The following KCNJ11 variants were observed in gnomAD, a reference collection of about 807,000 sequenced individuals.
KCNJ11 encodes the protein potassium inwardly rectifying channel subfamily J member 11, also known as ATP-sensitive inward rectifier potassium channel 11.
A neutral mutation model predicts 17.3 loss-of-function variants in KCNJ11; 12 were observed. The ratio of observed to expected loss-of-function variants is 0.69; its 90% CI spans 0.44 to 1.12. The LOEUF (loss-of-function observed/expected upper bound fraction) is 1.12. KCNJ11 is among the 50% of genes most tolerant of loss of function. KCNJ11 has a pLI of 0.00. For synonymous variants in KCNJ11, 211 were observed against 223.4 expected (o/e 0.94, Z 0.50); for missense variants, 386 against 554.1 (o/e 0.70, Z 3.05).
At chr11:17,389,058 G>A (rs1401344541), upstream of KCNJ11, 1 of 171,158 alleles carries the variant, frequency 5.8e-6, no homozygotes, top group East Asian at 1.9e-4. Context: ...CCCCGGACCT[G>A]CGCGCGACCC....
At position 17,388,215 on chromosome 11, in the gene KCNJ11, G is replaced by A; in HGVS notation, c.-124C>T. 1.3e-6 allele frequency: 1 copy of A among 797,408 alleles called. No homozygotes were observed. 49.4% of individuals were successfully genotyped at this position (797,408 alleles called of 1,614,324 possible). A position where few individuals can be genotyped will look rare whatever the true frequency, so the allele number is the denominator to read the frequency against. On this transcript the variant is annotated 5_prime_UTR_variant, in exon 1 of 1. Transcript: ENST00000339994. Reference sequence around the variant, plus strand: ...CACCCTGGGGCTGCACTCAGCCTGTGCTGGCCTCACTTCTGAGATAACTCC... The same window carrying A: ...CACCCTGGGGCTGCACTCAGCCTGTACTGGCCTCACTTCTGAGATAACTCC...
rs372737066 is a variant in KCNJ11, at chr11:17,386,582, C to T, written c.*337G>A. The T allele has an allele frequency of 3.8e-6, 1 of 265,470 alleles. No homozygotes were observed. The allele number at this position is 265,470 out of a possible 1,614,324, so 16.4% of individuals were successfully genotyped here. A position where few individuals can be genotyped will look rare whatever the true frequency, so the allele number is the denominator to read the frequency against. ...CTCGGGGATTGTTCTTCCCCAGCCACCGGCCCAGAGTGTGGCTGGTCAATC... is the reference window on the plus strand; with the variant it reads ...CTCGGGGATTGTTCTTCCCCAGCCATCGGCCCAGAGTGTGGCTGGTCAATC... On this transcript the variant is annotated 3_prime_UTR_variant, in exon 1 of 1. Coordinates refer to ENST00000339994, the MANE Select transcript of KCNJ11 (RefSeq NM_000525.4).
rs1424040124 is a variant in KCNJ11, at chr11:17,387,729, G to A, written c.363C>T (p.Phe121=). Residue 121 remains phenylalanine, a synonymous_variant, in exon 1 of 1, where the codon TTC becomes TTT. Transcript: ENST00000339994. ...TCACTTGGACCTCAATGGAGAAAAG[G>A]AAGGCAGACGAGAAGGAGTGGATGC... ...VTSIHSFSSA[F]LFSIEVQVTI... 1 of 1,614,158 alleles carries A rather than the reference G, an allele frequency of 6.2e-7. No homozygotes were observed. The highest frequency in any genetic ancestry group is 8.5e-7 in the Non-Finnish European group (1 of 1,180,038).
chr11:17,386,702 C>T lies in KCNJ11; in HGVS notation c.*217G>A. The T allele has an allele frequency of 1.7e-6, 1 of 572,812 alleles. No homozygotes were observed. The highest frequency in any genetic ancestry group is 3.1e-6 in the Non-Finnish European group (1 of 322,398). The allele number at this position is 572,812 out of a possible 1,614,324, so 35.5% of individuals were successfully genotyped here. A position where few individuals can be genotyped will look rare whatever the true frequency, so the allele number is the denominator to read the frequency against. ...GGCGGGGGAGAGGGGTGAGCCAGTC[C>T]TGAATTGGGTTGGGAGGAGCAGGGA... On this transcript the variant is annotated 3_prime_UTR_variant, in exon 1 of 1. Transcript: ENST00000339994.
At chr11:17,388,854 G>A, upstream of KCNJ11, 1 of 455,956 alleles carries the variant, frequency 2.2e-6, no homozygotes, top group Non-Finnish European at 4.4e-6. Flanking sequence ...TCTGGCCTTC[G>A]GGCTCCCAGG....
Position 17,386,753 on chromosome 11 carries a change from G to T in KCNJ11, c.*166C>A. On this transcript the variant is annotated 3_prime_UTR_variant, in exon 1 of 1. Transcript: ENST00000339994. The stretch of plus-strand genomic sequence containing the variant: ...CAAAAATAACCCAGTACAGGTTCCT[G>T]CTGAGGCCAGAAATAGCATAGTGAC... The T allele has an allele frequency of 1.6e-6, 1 of 640,270 alleles. No individual in the cohort carries two copies. The highest frequency in any genetic ancestry group is 2.7e-6 in the Non-Finnish European group (1 of 371,900). 39.7% of individuals were successfully genotyped at this position (640,270 alleles called of 1,614,324 possible). A position where few individuals can be genotyped will look rare whatever the true frequency, so the allele number is the denominator to read the frequency against.
Position 17,387,149 on chromosome 11 carries a change from A to G in KCNJ11, c.943T>C (p.Phe315Leu), listed in dbSNP as rs1428804059. 3.7e-6 allele frequency: 6 copies of G among 1,614,202 alleles called. No individual in the cohort carries two copies. Among genetic ancestry groups the G allele is most frequent in the Non-Finnish European group, 5.1e-6 (6 of 1,180,032 alleles). Reference protein sequence around the residue: ...LADEILWGQRFVPIVAEEDGR... With the variant: ...LADEILWGQRLVPIVAEEDGR... The stretch of plus-strand genomic sequence containing the variant: ...TCCTCCTCAGCTACAATGGGCACAA[A>G]GCGCTGGCCCCACAGGATCTCATCG... Residue 315 changes from phenylalanine (F) to leucine (L), a missense_variant, in exon 1 of 1, where the codon TTT becomes CTT. Phe to Leu is a conservative substitution (Grantham distance 22). Transcript: ENST00000339994.
rs537326228 is a variant in KCNJ11 at position 17,385,490 on chromosome 11, C to A, written c.*1429G>T. Among the ~76,000 whole-genome samples, 1 of 152,352 alleles carries A rather than the reference C, an allele frequency of 6.6e-6. No individual in the cohort carries two copies. Among genetic ancestry groups the A allele is most frequent in the South Asian group, 2.1e-4 (1 of 4,832 alleles). Reference sequence around the variant, plus strand: ...ATACAGCTAGAGCCAGGATTCGAACCCAGGCAGTTGGCTCGAGAGTTAGTG... The same window carrying A: ...ATACAGCTAGAGCCAGGATTCGAACACAGGCAGTTGGCTCGAGAGTTAGTG... On this transcript the variant is annotated 3_prime_UTR_variant, in exon 1 of 1. Transcript: ENST00000339994.
rs760229694 is a variant in KCNJ11, at chr11:17,387,492, T to C, written c.600A>G (p.Leu200=). 6.2e-7 allele frequency: 1 copy of C among 1,612,202 alleles called. No individual in the cohort carries two copies. The highest frequency in any genetic ancestry group is 1.1e-5 in the South Asian group (1 of 91,074). ...ALRHGRLCFM[L]RVGDLRKSMI... Reference sequence around the variant, plus strand: ...TGCTCTTGCGGAGGTCACCCACACGTAGCATGAAGCAGAGGCGGCCGTGGC... The same window carrying C: ...TGCTCTTGCGGAGGTCACCCACACGCAGCATGAAGCAGAGGCGGCCGTGGC... The change falls in exon 1 of 1, where the codon CTA becomes CTG. Residue 200 remains leucine (L), a synonymous_variant. Coordinates refer to ENST00000339994, the MANE Select transcript of KCNJ11 (RefSeq NM_000525.4).
At position 17,385,567 on chromosome 11, in the gene KCNJ11, C is replaced by G. The variant is rs989656391; in HGVS notation, c.*1352G>C. 7.2e-5 allele frequency among the ~76,000 whole-genome samples: 11 copies of G among 152,354 alleles called. No individual in the cohort carries two copies. Among genetic ancestry groups the G allele is most frequent in the Non-Finnish European group, 1.3e-4 (9 of 68,028 alleles). On this transcript the variant is annotated 3_prime_UTR_variant, in exon 1 of 1. Coordinates refer to ENST00000339994, the MANE Select transcript of KCNJ11 (RefSeq NM_000525.4). Reference sequence around the variant, plus strand: ...ACACCTCTATACCTCTCCCTGGGCACTCCAGCCTTCCAGCAGGTCCCTGGG... The same window carrying G: ...ACACCTCTATACCTCTCCCTGGGCAGTCCAGCCTTCCAGCAGGTCCCTGGG...
At position 17,387,675 on chromosome 11, in the gene KCNJ11, A is replaced by C; in HGVS notation, c.417T>G (p.Thr139=). 1 of 1,614,112 alleles carries C rather than the reference A, an allele frequency of 6.2e-7. No homozygotes were observed. The highest frequency in any genetic ancestry group is 1.1e-5 in the South Asian group (1 of 91,084). The part of the protein sequence containing the change: ...VTIGFGGRMV[T]EECPLAILIL... ...TCAGGATGGCCAGTGGGCACTCCTCAGTCACCATGCGCCCCCCAAAGCCAA... is the reference window on the plus strand; with the variant it reads ...TCAGGATGGCCAGTGGGCACTCCTCCGTCACCATGCGCCCCCCAAAGCCAA... Residue 139 remains threonine, a synonymous_variant, in exon 1 of 1, where the codon ACT becomes ACG. Coordinates refer to ENST00000339994, the MANE Select transcript of KCNJ11 (RefSeq NM_000525.4).
At chr11:17,389,136 G>A (rs1051277907), upstream of KCNJ11, 2 of 149,056 alleles carry the variant, frequency 1.3e-5, no homozygotes, top group African/African-American at 4.9e-5. Context: ...CTCCCGCTCC[G>A]CGCCGGGTCC....
At position 17,387,099 on chromosome 11, in the gene KCNJ11, G is replaced by A; in HGVS notation, c.993C>T (p.Ser331=). ...GCACTTTGACGGTGTTGCCAAACTT[G>A]GAGTAGTCCACAGAGTAACGTCCGT... is the stretch of plus-strand genomic sequence containing the variant. ...EEDGRYSVDY[S]KFGNTVKVPT... is the part of the protein sequence containing the mutation. Residue 331 remains serine, a synonymous_variant, in exon 1 of 1, where the codon TCC becomes TCT. Coordinates refer to ENST00000339994, the MANE Select transcript of KCNJ11 (RefSeq NM_000525.4). The A allele has an allele frequency of 6.2e-7, 1 of 1,614,194 alleles. No homozygotes were observed. The highest frequency in any genetic ancestry group is 8.5e-7 in the Non-Finnish European group (1 of 1,180,006).
In KCNJ11 at chr11:17,387,806, C is replaced by A; in HGVS notation, c.286G>T (p.Ala96Ser). ...TCGCTGGGGGCCAGGTCACCGTGGG[C>A]GAAGGCGATGAGCCACCAGGCCATG... ...FAMAWWLIAF[A>S]HGDLAPSEGT... is the part of the protein sequence containing the mutation. The change falls in exon 1 of 1, where the codon GCC becomes TCC. Residue 96 changes from alanine (A) to serine (S), a missense_variant. Coordinates refer to ENST00000339994, the MANE Select transcript of KCNJ11 (RefSeq NM_000525.4). 1.2e-6 allele frequency: 2 copies of A among 1,614,018 alleles called. No homozygotes were observed. The highest frequency in any genetic ancestry group is 1.1e-5 in the South Asian group (1 of 91,078).
chr11:17,387,086 T>C lies in KCNJ11; in HGVS notation c.1006A>G (p.Thr336Ala), dbSNP rs1591694771. ...CAGAGTGGTGTGGGCACTTTGACGGTGTTGCCAAACTTGGAGTAGTCCACA... is the reference window on the plus strand; with the variant it reads ...CAGAGTGGTGTGGGCACTTTGACGGCGTTGCCAAACTTGGAGTAGTCCACA... ...YSVDYSKFGN[T>A]VKVPTPLCTA... The change falls in exon 1 of 1, where the codon ACC becomes GCC. Residue 336 changes from threonine (T) to alanine (A), a missense_variant. Physicochemically the swap from Thr to Ala is moderately conservative, Grantham distance 58 (BLOSUM62 0). Transcript: ENST00000339994. 1.5e-5 allele frequency: 25 copies of C among 1,614,190 alleles called. No homozygotes were observed. Among genetic ancestry groups the C allele is most frequent in the Non-Finnish European group, 2.1e-5 (25 of 1,180,014 alleles).
At position 17,387,862 on chromosome 11, in the gene KCNJ11, A is replaced by G; in HGVS notation, c.230T>C (p.Met77Thr). 1 of 1,612,660 alleles carries G rather than the reference A, an allele frequency of 6.2e-7. No homozygotes were observed. The highest frequency in any genetic ancestry group is 8.5e-7 in the Non-Finnish European group (1 of 1,178,780). ...GAGCAGCCAGCTGCACAGGAAGGAC[A>G]TGGTGAAGATGAGCAATGTGTGTGG... ...KWPHTLLIFT[M>T]SFLCSWLLFA... is the part of the protein sequence containing the mutation. The change falls in exon 1 of 1, where the codon ATG (methionine) becomes ACG (threonine). Residue 77 changes from methionine to threonine, a missense_variant. Coordinates refer to ENST00000339994, the MANE Select transcript of KCNJ11 (RefSeq NM_000525.4).
At chr11:17,389,181 T>G (rs1458744610), upstream of KCNJ11, 1 of 150,172 alleles carries the variant, frequency 6.7e-6, no homozygotes, top group African/African-American at 2.5e-5. Flanking sequence ...CACCTGCTCC[T>G]GCTCCTCACG....
In KCNJ11 at chr11:17,387,687, C is replaced by T. The variant is rs752018515; in HGVS notation, c.405G>A (p.Gly135=). The T allele has an allele frequency of 1.9e-6, 3 of 1,613,892 alleles. No individual in the cohort carries two copies. Among genetic ancestry groups the T allele is most frequent in the Admixed American group, 1.7e-5 (1 of 59,994 alleles). ...IEVQVTIGFG[G]RMVTEECPLA... Reference sequence around the variant, plus strand: ...GTGGGCACTCCTCAGTCACCATGCGCCCCCCAAAGCCAATAGTCACTTGGA... The same window carrying T: ...GTGGGCACTCCTCAGTCACCATGCGTCCCCCAAAGCCAATAGTCACTTGGA... Residue 135 remains glycine (G), a synonymous_variant, in exon 1 of 1, where the codon GGG becomes GGA. Coordinates refer to ENST00000339994, the MANE Select transcript of KCNJ11 (RefSeq NM_000525.4).
In KCNJ11 at chr11:17,387,334, G is replaced by T; in HGVS notation, c.758C>A (p.Ala253Asp). The change falls in exon 1 of 1, where the codon GCC becomes GAC. Residue 253 changes from alanine (A) to aspartate (D), a missense_variant. By Grantham distance (126) the Ala-to-Asp change is moderately radical. Coordinates refer to ENST00000339994, the MANE Select transcript of KCNJ11 (RefSeq NM_000525.4). ...AATGACATGGTAGATGATCAGCGGG[G>T]CCACCAGGAAGATGCTGTTGCCACC... Reference protein sequence around the residue: ...GVGGNSIFLVAPLIIYHVIDA... With the variant: ...GVGGNSIFLVDPLIIYHVIDA... 1 of 1,614,140 alleles carries T rather than the reference G, an allele frequency of 6.2e-7. No individual in the cohort carries two copies. Among genetic ancestry groups the T allele is most frequent in the Non-Finnish European group, 8.5e-7 (1 of 1,180,040 alleles).
Sources: allele counts gnomAD v4.1 joint callset (sites outside exome capture counted in the v4.1 genomes callset), GRCh38; gene constraint gnomAD v4.1.1; transcripts MANE v1.5; gene names NCBI Gene and HGNC (gene_info 2026-07-23, HGNC 2026-07-21).